NCOA1: variants seen among roughly 807,000 people sequenced by gnomAD.
The protein encoded by NCOA1 is nuclear receptor coactivator 1.
Under a neutral mutation model 150.9 loss-of-function variants are expected in NCOA1, and 35 were observed. The observed-to-expected ratio is 0.23, with a 90% CI of 0.18 to 0.31. The LOEUF is 0.31. Among genes scored for constraint, NCOA1 ranks in the 10% least tolerant of loss-of-function variants. The pLI, the probability that NCOA1 is intolerant of heterozygous loss-of-function variation, is 1.00. For missense variants in NCOA1, 1,491 were observed against 1,749.3 expected (o/e 0.85, Z 2.63); for synonymous variants, 590 against 630.0 (o/e 0.94, Z 0.95).
At position 24,505,282 on chromosome 2, in the gene NCOA1, G is replaced by A. The variant is rs574870727; in HGVS notation, c.-396+13680G>A. Among the ~76,000 whole-genome samples, 8 of 151,986 alleles carry A rather than the reference G, an allele frequency of 5.3e-5. No homozygotes were observed. In the East Asian group the frequency reaches 1.5e-3, roughly 29 times the overall value. ...GCTCACCGCAACCTCCGCCTCCTGG[G>A]TTCAAGCGATTCTTCTGCCTCAGCC... On this transcript the variant is annotated intron_variant, in intron 1 of 22. Transcript: ENST00000348332.
At chr2:24,510,684 C>T (rs1025297371) in intron 1 of NCOA1, among the ~76,000 whole-genome samples, 2 of 150,070 alleles carry the variant, frequency 1.3e-5, no homozygotes, top group African/African-American at 2.4e-5. Context: ...TTTGGTAATG[C>T]GTTTATCAGA....
intron 19 of NCOA1, among the ~76,000 whole-genome samples, chr2:24,747,664 A>G (rs1664004749): frequency 6.6e-6 from 1 of 152,190 alleles, no homozygotes; most frequent in South Asian, 2.1e-4. Flanking sequence ...TTCATCATAA[A>G]TGAGGTTAAA....
At chr2:24,546,418 G>T (rs1219416504) in intron 1 of NCOA1, among the ~76,000 whole-genome samples, 2 of 152,164 alleles carry the variant, frequency 1.3e-5, no homozygotes, top group Non-Finnish European at 2.9e-5. Context: ...GAATCAATCT[G>T]TAAGAAACAT....
chr2:24,504,568 C>T (rs1288599649), intron 1 of NCOA1, among the ~76,000 whole-genome samples: 3 of 152,134 alleles, frequency 2.0e-5, no homozygotes, highest in Non-Finnish European at 4.4e-5. Flanking sequence ...TTTTATGTGT[C>T]AACCTAAATG....
chr2:24,529,707 T>C (rs540413384), intron 1 of NCOA1, among the ~76,000 whole-genome samples: 1 of 152,262 alleles, frequency 6.6e-6, no homozygotes, highest in African/African-American at 2.4e-5. Flanking sequence ...TTTTTAACAC[T>C]TTCCTCCATA....
rs541756374 is a variant in NCOA1, at chr2:24,735,731, A to T, written c.3202-3701A>T. ...TGTATCTGTATTGGTTGAGATTTTT[A>T]AAAAGAGCAACAAGAAGGAAGGAGC... is the stretch of plus-strand genomic sequence containing the variant. On this transcript the variant is annotated intron_variant, in intron 17 of 22. Transcript: ENST00000348332. 5.9e-5 allele frequency among the ~76,000 whole-genome samples: 9 copies of T among 152,300 alleles called. No homozygotes were observed. In the South Asian group the frequency reaches 1.9e-3, roughly 32 times the overall value.
chr2:24,491,780 G>GAGGGGGCGGAGGTCGCAGCTGT (rs1662971273), intron 1 of NCOA1, 178 bp downstream of exon 1: 1 of 151,156 alleles, frequency 6.6e-6, no homozygotes, highest in African/African-American at 2.4e-5. Flanking sequence ...GGCGCGGCTG[G>GAGGGGGCGGAGGTCGCAGCTGT]AGGGGGCGGA....
chr2:24,700,815 C>G (rs930451352), intron 11 of NCOA1, among the ~76,000 whole-genome samples: 1 of 152,130 alleles, frequency 6.6e-6, no homozygotes, highest in Non-Finnish European at 1.5e-5. Context: ...GGACCCCACC[C>G]CGGACTACTG....
At chr2:24,548,169 A>T (rs1462734028) in intron 1 of NCOA1, among the ~76,000 whole-genome samples, 4 of 152,156 alleles carry the variant, frequency 2.6e-5, no homozygotes, top group African/African-American at 9.7e-5. Context: ...GGTTTAATGG[A>T]CCTACAGTTC....
intron 3 of NCOA1, among the ~76,000 whole-genome samples, chr2:24,610,726 G>T (rs1302214557): frequency 3.4e-5 from 5 of 147,938 alleles, no homozygotes; most frequent in Non-Finnish European, 7.4e-5. Flanking sequence ...TGTTTTCTCT[G>T]GCTCTTTCTA....
At chr2:24,626,238 T>C (rs1339019402) in intron 3 of NCOA1, among the ~76,000 whole-genome samples, 1 of 152,216 alleles carries the variant, frequency 6.6e-6, no homozygotes, top group African/African-American at 2.4e-5. Context: ...GTGTGAATTC[T>C]TTATGGAAAG....
At chr2:24,754,271 G>A (rs1164538968) in intron 20 of NCOA1, among the ~76,000 whole-genome samples, 2 of 152,038 alleles carry the variant, frequency 1.3e-5, no homozygotes, top group East Asian at 1.9e-4. Context: ...GAGTATGTCC[G>A]TCCTTTACGC....
intron 3 of NCOA1, among the ~76,000 whole-genome samples, chr2:24,607,366 T>C (rs1668416933): frequency 6.7e-6 from 1 of 149,546 alleles, no homozygotes; most frequent in South Asian, 2.1e-4. Context: ...AAGAGTGAGA[T>C]TGGCTGGGCG....
At position 24,610,352 on chromosome 2, in the gene NCOA1, A is replaced by T. The variant is rs897572192; in HGVS notation, c.-175+25792A>T. On this transcript the variant is annotated intron_variant, in intron 3 of 22. Transcript: ENST00000348332. Reference sequence around the variant, plus strand: ...GAGACAGGGTTTTACCGTGTTAGCCAGGATGGTCTTGATCTTCTGACCTCG... The same window carrying T: ...GAGACAGGGTTTTACCGTGTTAGCCTGGATGGTCTTGATCTTCTGACCTCG... Among the ~76,000 whole-genome samples, 8 of 151,714 alleles carry T rather than the reference A, an allele frequency of 5.3e-5. No homozygotes were observed. In the South Asian group the frequency reaches 1.0e-3, roughly 20 times the overall value.
intron 1 of NCOA1, among the ~76,000 whole-genome samples, chr2:24,512,601 T>G (rs886366696): frequency 6.6e-6 from 1 of 152,242 alleles, no homozygotes; most frequent in African/African-American, 2.4e-5. Context: ...ACTTCACTTA[T>G]GTGCAGAGTG....
chr2:24,511,663 C>T (rs1663940875), intron 1 of NCOA1, among the ~76,000 whole-genome samples: 1 of 151,458 alleles, frequency 6.6e-6, no homozygotes, highest in East Asian at 1.9e-4. Context: ...ATTCTCCCAT[C>T]CTGTAGTTTG....
chr2:24,634,593 G>A (rs1413651058), intron 3 of NCOA1, among the ~76,000 whole-genome samples: 1 of 151,730 alleles, frequency 6.6e-6, no homozygotes, highest in Non-Finnish European at 1.5e-5. Flanking sequence ...TTACCCATGA[G>A]AGACAATTTA....
Position 24,665,769 on chromosome 2 carries a change from A to C in NCOA1, c.110A>C (p.Glu37Ala), listed in dbSNP as rs1233499440. ...LASSTEKRRREQENKYLEELA... is the reference protein window; with the variant it reads ...LASSTEKRRRAQENKYLEELA... ...AACAGCACGGAAAAGAGGCGCAGGG[A>C]GCAAGAAAATAAATATTTAGAAGAA... Residue 37 changes from glutamate to alanine, a missense_variant, in exon 6 of 23, where the codon GAG (glutamate) becomes GCG (alanine). Physicochemically the swap from Glu to Ala is moderately radical, Grantham distance 107. Transcript: ENST00000348332. The C allele has an allele frequency of 6.3e-7, 1 of 1,591,830 alleles. No individual in the cohort carries two copies. The highest frequency in any genetic ancestry group is 8.6e-7 in the Non-Finnish European group (1 of 1,168,252).
chr2:24,685,028 G>T (rs1672338736), intron 8 of NCOA1, among the ~76,000 whole-genome samples: 1 of 151,716 alleles, frequency 6.6e-6, no homozygotes, highest in Non-Finnish European at 1.5e-5. Flanking sequence ...AACCACTGGG[G>T]AAAAAAATCA....
Sources: gnomAD v4.1 joint callset for allele counts (sites outside exome capture counted in the v4.1 genomes callset) on GRCh38, gnomAD v4.1.1 for gene constraint, MANE v1.5 for transcripts, NCBI Gene and HGNC (gene_info 2026-07-23, HGNC 2026-07-21) for gene names.